MAGI1: variants seen among roughly 807,000 people sequenced by gnomAD.
MAGI1 encodes membrane-associated guanylate kinase, WW and PDZ domain-containing protein 1.
A neutral mutation model predicts 139.9 loss-of-function variants in MAGI1; 58 were observed. The ratio of observed to expected loss-of-function variants is 0.41; its 90% CI spans 0.34 to 0.52. The LOEUF is 0.52. Among genes scored for constraint, MAGI1 ranks in the 20% least tolerant of loss-of-function variants. The probability of loss-of-function intolerance (pLI) is 0.12; values close to 1 mark genes in which losing one functional copy is unlikely to be tolerated. For synonymous variants in MAGI1, 812 were observed against 737.9 expected (o/e 1.10, Z -1.63); for missense variants, 1,874 against 1,901.6 (o/e 0.99, Z 0.27).
chr3:65,889,104 A>G (rs1332646926), intron 1 of MAGI1, among the ~76,000 whole-genome samples: 1 of 152,218 alleles, frequency 6.6e-6, no homozygotes, highest in Non-Finnish European at 1.5e-5. Context: ...TACAACTAAT[A>G]TTAAGTAAGC....
intron 1 of MAGI1, among the ~76,000 whole-genome samples, chr3:65,863,719 T>C (rs2059628709): frequency 6.6e-6 from 1 of 152,128 alleles, no homozygotes; most frequent in African/African-American, 2.4e-5. Context: ...ATGGATAAAA[T>C]AGATGAAAAA....
intron 1 of MAGI1, among the ~76,000 whole-genome samples, chr3:65,896,284 A>G (rs1367010312): frequency 6.6e-6 from 1 of 150,960 alleles, no homozygotes; most frequent in Non-Finnish European, 1.5e-5. Flanking sequence ...ATTATCACTA[A>G]CAGCAGTAAT....
chr3:65,359,230 G>C lies in MAGI1; in HGVS notation c.3634+1969C>G, dbSNP rs993318191. 12 of 1,594,526 alleles carry C rather than the reference G, an allele frequency of 7.5e-6. No homozygotes were observed. In the African/African-American group the frequency reaches 1.1e-4, roughly 14 times the overall value. On this transcript the variant is annotated intron_variant, in intron 22 of 22. Transcript: ENST00000402939. ...AGAAAGAGAAAAAGTTGAACATTTA[G>C]ATTCCCTATAACACAGAGGAAAGAA...
intron 5 of MAGI1, among the ~76,000 whole-genome samples, chr3:65,458,400 T>C (rs1022016494): frequency 6.6e-6 from 1 of 151,768 alleles, no homozygotes; most frequent in African/African-American, 2.4e-5. Context: ...CCGTTTCCCA[T>C]AGTGATTATA....
intron 2 of MAGI1, among the ~76,000 whole-genome samples, chr3:65,599,111 A>G (rs2082365731): frequency 6.6e-6 from 1 of 152,116 alleles, no homozygotes; most frequent in African/African-American, 2.4e-5. Flanking sequence ...ATGTTCTGAG[A>G]GGAAGAATGC....
intron 17 of MAGI1, 128 bp from the exon 18 acceptor site, chr3:65,376,073 T>A: frequency 1.5e-6 from 1 of 688,218 alleles, no homozygotes; most frequent in Non-Finnish European, 2.4e-6. Context: ...CAAATGTTAT[T>A]AAAGGAGAGC....
chr3:65,867,464 G>A (rs1223439242), intron 1 of MAGI1, among the ~76,000 whole-genome samples: 1 of 152,168 alleles, frequency 6.6e-6, no homozygotes, highest in Non-Finnish European at 1.5e-5. Flanking sequence ...GCCAGGCATG[G>A]TGGCTCACGC....
At chr3:65,964,974 A>G (rs1276989119) in intron 1 of MAGI1, among the ~76,000 whole-genome samples, 1 of 152,264 alleles carries the variant, frequency 6.6e-6, no homozygotes, top group East Asian at 1.9e-4. Context: ...GGTACTGATG[A>G]TGCCAAGGAC....
At chr3:65,611,535 CTA>C (rs988813587) in intron 2 of MAGI1, among the ~76,000 whole-genome samples, 100 of 143,666 alleles carry the variant, frequency 7.0e-4, no homozygotes, top group Non-Finnish European at 7.6e-4. Flanking sequence ...ATAGAATACT[CTA>C]TATATACTAT....
rs544069084 is a variant in MAGI1, at chr3:65,391,505, T to C, written c.2200-147A>G. 1.7e-4 allele frequency: 109 copies of C among 650,546 alleles called. 1 individual carries two copies. In the African/African-American group the frequency reaches 1.9e-3, roughly 11 times the overall value. 40.3% of individuals were successfully genotyped at this position (650,546 alleles called of 1,614,324 possible). A position where few individuals can be genotyped will look rare whatever the true frequency, so the allele number is the denominator to read the frequency against. Reference sequence around the variant, plus strand: ...TTGGCTCCCACCTTTCTCCAGCTAATGCTGAATGTAGATAAATCCCCAGGT... The same window carrying C: ...TTGGCTCCCACCTTTCTCCAGCTAACGCTGAATGTAGATAAATCCCCAGGT... On this transcript the variant is annotated intron_variant, in intron 13 of 22. Coordinates refer to ENST00000402939, the MANE Select transcript of MAGI1 (RefSeq NM_001033057.2).
chr3:65,696,500 G>A (rs1477834834), intron 1 of MAGI1, among the ~76,000 whole-genome samples: 1 of 151,890 alleles, frequency 6.6e-6, no homozygotes, highest in Admixed American at 6.6e-5. Context: ...TTAAATATTT[G>A]TTGAATGAAT....
intron 7 of MAGI1, among the ~76,000 whole-genome samples, chr3:65,446,885 T>A (rs910557870): frequency 6.6e-6 from 1 of 152,184 alleles, no homozygotes; most frequent in Admixed American, 6.5e-5. Flanking sequence ...TGTGCATCAA[T>A]TACAACAGAC....
intron 1 of MAGI1, among the ~76,000 whole-genome samples, chr3:65,987,865 G>T (rs568570043): frequency 6.6e-6 from 1 of 152,178 alleles, no homozygotes; most frequent in East Asian, 1.9e-4. Context: ...CACTGCTCCC[G>T]ACTACAGTAC....
rs144985354 is a variant in MAGI1, at chr3:65,401,466, C to T, written c.2172G>A (p.Leu724=). ...EVTLLVQRGG[L]PVPKKSPKSQ... is the part of the protein sequence containing the mutation. Reference sequence around the variant, plus strand: ...ACTTTGGGCTCTTCTTGGGAACTGGCAGCCCTGGAAAAAATGCAACAAGGA... The same window carrying T: ...ACTTTGGGCTCTTCTTGGGAACTGGTAGCCCTGGAAAAAATGCAACAAGGA... Residue 724 remains leucine (L), a synonymous_variant, in exon 13 of 23, where the codon CTG becomes CTA. Transcript: ENST00000402939. 13 of 1,596,048 alleles carry T rather than the reference C, an allele frequency of 8.1e-6. No individual in the cohort carries two copies. The African/African-American group carries it at 1.8e-4, about 22-fold the overall frequency.
chr3:65,911,312 T>G (rs534377497), intron 1 of MAGI1, among the ~76,000 whole-genome samples: 2 of 152,012 alleles, frequency 1.3e-5, no homozygotes, highest in South Asian at 4.2e-4. Context: ...GGAATTTGAA[T>G]CTCAAGCAGA....
rs374065464 is a variant in MAGI1 at position 65,911,768 on chromosome 3, C to A, written c.313+126228G>T. 2.0e-4 allele frequency among the ~76,000 whole-genome samples: 31 copies of A among 152,254 alleles called. No homozygotes were observed. In the East Asian group the frequency reaches 3.1e-3, roughly 15 times the overall value. ...ATTACCAAATCATACTTTTATAGCCCATTGGATTATTTCCTAGCATCAAAC... is the reference window on the plus strand; with the variant it reads ...ATTACCAAATCATACTTTTATAGCCAATTGGATTATTTCCTAGCATCAAAC... On this transcript the variant is annotated intron_variant, in intron 1 of 22. Coordinates refer to ENST00000402939, the MANE Select transcript of MAGI1 (RefSeq NM_001033057.2).
chr3:65,569,287 A>G (rs374748779), intron 2 of MAGI1, among the ~76,000 whole-genome samples: 1 of 152,216 alleles, frequency 6.6e-6, no homozygotes, highest in East Asian at 1.9e-4. Context: ...AGGGAGGAGA[A>G]TGGAGAACTG....
chr3:66,024,178 G>C (rs1427495835), intron 1 of MAGI1, among the ~76,000 whole-genome samples: 1 of 151,638 alleles, frequency 6.6e-6, no homozygotes, highest in African/African-American at 2.4e-5. Flanking sequence ...CCAAGTGAGA[G>C]ACAAATATAT....
intron 1 of MAGI1, among the ~76,000 whole-genome samples, chr3:65,907,402 C>A (rs1283073707): frequency 6.6e-6 from 1 of 152,146 alleles, no homozygotes; most frequent in Non-Finnish European, 1.5e-5. Context: ...AAGACTTAAA[C>A]CCAGGTCTCT....
Sources: gnomAD v4.1 joint callset for allele counts (sites outside exome capture counted in the v4.1 genomes callset) on GRCh38, gnomAD v4.1.1 for gene constraint, MANE v1.5 for transcripts, NCBI Gene and HGNC (gene_info 2026-07-23, HGNC 2026-07-21) for gene names.